PCDH9: variants seen among roughly 807,000 people sequenced by gnomAD.
The protein encoded by PCDH9 is protocadherin-9.
In PCDH9, 24 loss-of-function variants were observed where a neutral mutation model predicts 70.6. That is an observed-to-expected ratio of 0.34 (90% CI 0.25 to 0.48). The LOEUF is 0.48. PCDH9 is among the 20% of genes least tolerant of loss of function. The pLI is 0.99. For synonymous variants in PCDH9, 562 were observed against 558.5 expected (o/e 1.01, Z -0.09); for missense variants, 1,281 against 1,503.6 (o/e 0.85, Z 2.45).
chr13:66,503,936 G>A (rs1386817527), intron 4 of PCDH9, among the ~76,000 whole-genome samples: 1 of 152,158 alleles, frequency 6.6e-6, no homozygotes, highest in Non-Finnish European at 1.5e-5. Context: ...ACAGGTCTGG[G>A]TCTTGGGTAT....
intron 4 of PCDH9, among the ~76,000 whole-genome samples, chr13:66,599,573 G>T (rs2077141710): frequency 6.6e-6 from 1 of 150,562 alleles, no homozygotes; most frequent in Non-Finnish European, 1.5e-5. Context: ...TTGAGAGAGG[G>T]TTTTACTCTC....
chr13:67,086,536 T>A (rs893541882), intron 2 of PCDH9, among the ~76,000 whole-genome samples: 1 of 152,046 alleles, frequency 6.6e-6, no homozygotes, highest in African/African-American at 2.4e-5. Context: ...AAGTGGCCAA[T>A]AAAGATGAAA....
At chr13:66,402,979 C>G (rs552437813) in intron 4 of PCDH9, among the ~76,000 whole-genome samples, 53 of 152,086 alleles carry the variant, frequency 3.5e-4, no homozygotes, top group Admixed American at 3.3e-3. Flanking sequence ...AATGTAAATA[C>G]TGCTTAAAAA....
rs1263051144 is a variant in PCDH9 at position 66,822,555 on chromosome 13, C to G, written c.3138+80949G>C. 2.2e-5 allele frequency among the ~76,000 whole-genome samples: 3 copies of G among 134,354 alleles called. No homozygotes were observed. The East Asian group carries it at 6.9e-4, about 31-fold the overall frequency. The allele number at this position is 134,354 out of a possible 152,430, so 88.1% of individuals were successfully genotyped here. ...CTCTGTCACCTAGGCTGGAGGGAGT[C>G]TTGCTCTGTCACCTAGGCTGGAGGG... On this transcript the variant is annotated intron_variant, in intron 3 of 4. Coordinates refer to ENST00000377865, the MANE Select transcript of PCDH9 (RefSeq NM_203487.3).
intron 3 of PCDH9, among the ~76,000 whole-genome samples, chr13:66,744,424 T>C (rs868405137): frequency 1.3e-5 from 2 of 152,172 alleles, no homozygotes; most frequent in Non-Finnish European, 2.9e-5. Context: ...TTTTTAAAAA[T>C]TTATTTATTT....
intron 3 of PCDH9, among the ~76,000 whole-genome samples, chr13:66,665,569 C>T (rs749034152): frequency 5.3e-5 from 8 of 152,090 alleles, no homozygotes; most frequent in African/African-American, 1.9e-4. Flanking sequence ...ACTTCCTTGA[C>T]GCATCCAATA....
At chr13:67,009,483 T>C (rs930976803) in intron 2 of PCDH9, among the ~76,000 whole-genome samples, 15 of 152,104 alleles carry the variant, frequency 9.9e-5, no homozygotes, top group Non-Finnish European at 1.6e-4. Flanking sequence ...TCTACAAATA[T>C]ATAAGCCTCA....
At chr13:66,840,845 G>A (rs2081104794) in intron 3 of PCDH9, among the ~76,000 whole-genome samples, 1 of 152,186 alleles carries the variant, frequency 6.6e-6, no homozygotes, top group African/African-American at 2.4e-5. Flanking sequence ...GGAAATCCCC[G>A]AAGGGAGGTG....
chr13:67,158,645 C>G (rs913539909), intron 2 of PCDH9, among the ~76,000 whole-genome samples: 6 of 152,208 alleles, frequency 3.9e-5, no homozygotes, highest in African/African-American at 1.4e-4. Context: ...CCAGCATCTT[C>G]ATCTTGGACA....
chr13:66,998,652 C>T (rs984430789), intron 2 of PCDH9, among the ~76,000 whole-genome samples: 3 of 152,202 alleles, frequency 2.0e-5, no homozygotes, highest in Non-Finnish European at 2.9e-5. Flanking sequence ...ACTTCTCCCT[C>T]TTCCTCATAG....
At chr13:66,403,849 A>T (rs1252901500) in intron 4 of PCDH9, among the ~76,000 whole-genome samples, 1 of 152,168 alleles carries the variant, frequency 6.6e-6, no homozygotes, top group Non-Finnish European at 1.5e-5. Context: ...AGGAGTCCCC[A>T]GCCCTTACTT....
intron 3 of PCDH9, among the ~76,000 whole-genome samples, chr13:66,732,303 T>G (rs2079089054): frequency 6.6e-6 from 1 of 151,924 alleles, no homozygotes; most frequent in Non-Finnish European, 1.5e-5. Context: ...TTTTGAAATA[T>G]ACAGTAAATT....
chr13:66,939,501 C>G (rs2082973533), intron 2 of PCDH9, among the ~76,000 whole-genome samples: 1 of 151,100 alleles, frequency 6.6e-6, no homozygotes. Context: ...GGTGTGATCT[C>G]TGCTCACTGC....
intron 2 of PCDH9, among the ~76,000 whole-genome samples, chr13:66,940,234 A>G (rs2082985520): frequency 6.6e-6 from 1 of 152,180 alleles, no homozygotes; most frequent in Non-Finnish European, 1.5e-5. Context: ...ATCAATTTGA[A>G]GGCACTTATA....
chr13:66,853,975 A>G (rs1329044487), intron 3 of PCDH9, among the ~76,000 whole-genome samples: 1 of 152,206 alleles, frequency 6.6e-6, no homozygotes, highest in East Asian at 1.9e-4. Flanking sequence ...TACAAAGAGG[A>G]AAATATTATT....
Position 66,366,350 on chromosome 13 carries a change from A to G in PCDH9, c.3341-61322T>C, listed in dbSNP as rs1001553169. 3.3e-5 allele frequency among the ~76,000 whole-genome samples: 5 copies of G among 152,174 alleles called. No individual in the cohort carries two copies. The South Asian group carries it at 8.3e-4, about 25-fold the overall frequency. ...CTAATATCAACAGATTTCCATAAGT[A>G]ATTTTTTTGCATGTTCCTAAAATTT... On this transcript the variant is annotated intron_variant, in intron 4 of 4. Transcript: ENST00000377865.
At chr13:66,328,613 G>A (rs182856504) in intron 4 of PCDH9, among the ~76,000 whole-genome samples, 3 of 152,246 alleles carry the variant, frequency 2.0e-5, no homozygotes, top group East Asian at 3.9e-4. Context: ...ATGTCTTAAG[G>A]GCAGTGGAGT....
At chr13:66,802,428 C>T (rs1487464745) in intron 3 of PCDH9, among the ~76,000 whole-genome samples, 1 of 151,914 alleles carries the variant, frequency 6.6e-6, no homozygotes, top group Non-Finnish European at 1.5e-5. Flanking sequence ...GATTATTCAC[C>T]TATTTTACCT....
chr13:67,020,385 T>C (rs1157479093), intron 2 of PCDH9, among the ~76,000 whole-genome samples: 1 of 152,196 alleles, frequency 6.6e-6, no homozygotes, highest in Non-Finnish European at 1.5e-5. Context: ...TTGAATTCAC[T>C]GTTCAAGTAA....
Sources: allele counts gnomAD v4.1 joint callset (sites outside exome capture counted in the v4.1 genomes callset), GRCh38; gene constraint gnomAD v4.1.1; transcripts MANE v1.5; gene names NCBI Gene and HGNC (gene_info 2026-07-23, HGNC 2026-07-21).